The following TF variants were observed in gnomAD, a reference collection of about 807,000 sequenced individuals.
The protein encoded by TF is serotransferrin.
A neutral mutation model predicts 82.4 loss-of-function variants in TF; 55 were observed. The ratio of observed to expected loss-of-function variants is 0.67; its 90% CI spans 0.54 to 0.84. The LOEUF is 0.84. Among genes scored for constraint, TF ranks in the 40% least tolerant of loss-of-function variants. The probability of loss-of-function intolerance (pLI) is 0.00; values close to 1 mark genes in which losing one functional copy is unlikely to be tolerated. For synonymous variants in TF, 332 were observed against 332.6 expected (o/e 1.00, Z 0.02); for missense variants, 737 against 868.4 (o/e 0.85, Z 1.90).
chr3:133,677,682 CT>C, the TF span, among the ~76,000 whole-genome samples: 2 of 150,710 alleles, frequency 1.3e-5, no homozygotes, highest in African/African-American at 2.4e-5. Flanking sequence ...AAAATCATTT[CT>C]TTTTTTTTCT....
In TF at chr3:133,794,003, G is replaced by C. The variant is rs1282352188; in HGVS notation, c.*15383G>C. ...TGCTAAATCAGCTGATACTGAAACTGTTTAGATATAAAATTTGAATAAACT... is the reference window on the plus strand; with the variant it reads ...TGCTAAATCAGCTGATACTGAAACTCTTTAGATATAAAATTTGAATAAACT... On this transcript the variant is annotated 3_prime_UTR_variant, in exon 17 of 17. Transcript: ENST00000402696. The C allele has an allele frequency of 6.6e-6, 1 of 152,118 alleles. No homozygotes were observed. Among genetic ancestry groups the C allele is most frequent in the Non-Finnish European group, 1.5e-5 (1 of 68,018 alleles). The allele number at this position is 152,118 out of a possible 1,614,324, so 9.4% of individuals were successfully genotyped here.
chr3:133,743,062 G>C (rs950964361), upstream of TF, among the ~76,000 whole-genome samples: 1 of 152,066 alleles, frequency 6.6e-6, no homozygotes, highest in Non-Finnish European at 1.5e-5. Context: ...TAAATAAAGA[G>C]AAGGTCAATA....
At chr3:133,767,609 C>G (rs1293562861) in intron 12 of TF, among the ~76,000 whole-genome samples, 1 of 152,206 alleles carries the variant, frequency 6.6e-6, no homozygotes, top group Non-Finnish European at 1.5e-5. Context: ...AAGAAAATTC[C>G]CCATCCCTTT....
At chr3:133,679,180 A>T in the TF span, among the ~76,000 whole-genome samples, 1 of 151,910 alleles carries the variant, frequency 6.6e-6, no homozygotes, top group Admixed American at 6.6e-5. Context: ...CAGCCCAGCT[A>T]ACTTTTAATT....
chr3:133,675,096 T>C, the TF span, among the ~76,000 whole-genome samples: 1 of 151,560 alleles, frequency 6.6e-6, no homozygotes, highest in Non-Finnish European at 1.5e-5. Flanking sequence ...AATACAAAAA[T>C]TAGCCGGGTG....
chr3:133,665,805 C>T, the TF span, among the ~76,000 whole-genome samples: 2 of 151,726 alleles, frequency 1.3e-5, no homozygotes. Flanking sequence ...ATTAGCCAGG[C>T]ATGGTGGCAG....
chr3:133,682,298 C>T, the TF span, among the ~76,000 whole-genome samples: 3 of 152,236 alleles, frequency 2.0e-5, no homozygotes, highest in Non-Finnish European at 2.9e-5. Flanking sequence ...AGCACCCTTT[C>T]TCCTCCAAAG....
chr3:133,706,699 T>G, the TF span, among the ~76,000 whole-genome samples: 1 of 152,152 alleles, frequency 6.6e-6, no homozygotes, highest in African/African-American at 2.4e-5. Flanking sequence ...GCAGGAGGGC[T>G]GGGGAAGTTG....
rs778799791 is a variant in TF, at chr3:133,791,915, A to G, written c.*13295A>G. On this transcript the variant is annotated 3_prime_UTR_variant, in exon 17 of 17. Coordinates refer to ENST00000402696, the MANE Select transcript of TF (RefSeq NM_001063.4). ...AGCTTAAATCAAATATTTTATCAGA[A>G]AAGTAAAAAATGTAATGCCTTCTAT... is the stretch of plus-strand genomic sequence containing the variant. 2.6e-5 allele frequency: 4 copies of G among 152,242 alleles called. No individual in the cohort carries two copies. The highest frequency in any genetic ancestry group is 5.9e-5 in the Non-Finnish European group (4 of 68,042). 9.4% of individuals were successfully genotyped at this position (152,242 alleles called of 1,614,324 possible). A position where few individuals can be genotyped will look rare whatever the true frequency, so the allele number is the denominator to read the frequency against.
At chr3:133,681,359 C>G in the TF span, among the ~76,000 whole-genome samples, 5 of 152,364 alleles carry the variant, frequency 3.3e-5, no homozygotes, top group East Asian at 9.6e-4. Flanking sequence ...GGGTGCAGGA[C>G]AGTCGGTGCA....
the TF span, among the ~76,000 whole-genome samples, chr3:133,728,259 G>T: frequency 6.6e-6 from 1 of 152,158 alleles, no homozygotes. Context: ...TTTCCAACTT[G>T]GTTCCATTCT....
At chr3:133,719,596 G>A in the TF span, among the ~76,000 whole-genome samples, 1 of 151,764 alleles carries the variant, frequency 6.6e-6, no homozygotes, top group African/African-American at 2.4e-5. Context: ...GGCTATTTGG[G>A]GTCTTTAGTG....
chr3:133,662,499 T>C, the TF span: 1 of 152,254 alleles, frequency 6.6e-6, no homozygotes, highest in Non-Finnish European at 1.5e-5. Context: ...GGATGACTTA[T>C]TACACAGCTA....
intron 10 of TF, 60 bp from the exon 11 acceptor site, chr3:133,764,815 A>T: frequency 6.5e-7 from 1 of 1,544,388 alleles, no homozygotes; most frequent in Non-Finnish European, 8.9e-7. Flanking sequence ...AAAAAAAGGC[A>T]TGGTTTCCCA....
At chr3:133,729,322 T>C in the TF span, among the ~76,000 whole-genome samples, 11 of 152,334 alleles carry the variant, frequency 7.2e-5, no homozygotes, top group African/African-American at 2.4e-4. Context: ...CAGTTTGAGC[T>C]TCCCAGCTGC....
intron 9 of TF, chr3:133,760,348 A>G (rs1933963512): frequency 6.6e-6 from 1 of 152,436 alleles, no homozygotes; most frequent in African/African-American, 2.4e-5. Flanking sequence ...GCAAAAAGGG[A>G]CCATCAAGCT....
rs890996402 is a variant in TF at position 133,787,313 on chromosome 3, C to G, written c.*8693C>G. The G allele has an allele frequency of 2.0e-5, 3 of 152,112 alleles. No homozygotes were observed. The highest frequency in any genetic ancestry group is 1.3e-4 in the Admixed American group (2 of 15,274). 9.4% of individuals were successfully genotyped at this position (152,112 alleles called of 1,614,324 possible). ...TGGGTATGAATTTGTTCAGCCATCT[C>G]TAAGCGTTACACATGCCTGTACCTG... is the stretch of plus-strand genomic sequence containing the variant. On this transcript the variant is annotated 3_prime_UTR_variant, in exon 17 of 17. Coordinates refer to ENST00000402696, the MANE Select transcript of TF (RefSeq NM_001063.4).
the TF span, among the ~76,000 whole-genome samples, chr3:133,675,161 C>T: frequency 1.4e-5 from 2 of 145,048 alleles, no homozygotes; most frequent in Admixed American, 7.2e-5. Flanking sequence ...ATGAGAATCT[C>T]TTGAACCCAG....
At chr3:133,670,118 C>T in the TF span, among the ~76,000 whole-genome samples, 1 of 152,188 alleles carries the variant, frequency 6.6e-6, no homozygotes, top group Non-Finnish European at 1.5e-5. Flanking sequence ...ACAGCATGGA[C>T]TATGGAAGCA....
Sources: gnomAD v4.1 joint callset for allele counts (sites outside exome capture counted in the v4.1 genomes callset) on GRCh38, gnomAD v4.1.1 for gene constraint, MANE v1.5 for transcripts, NCBI Gene and HGNC (gene_info 2026-07-23, HGNC 2026-07-21) for gene names.